PTPRD: variants seen among roughly 807,000 people sequenced by gnomAD.
PTPRD encodes receptor-type tyrosine-protein phosphatase delta.
Under a neutral mutation model 214.5 loss-of-function variants are expected in PTPRD, and 34 were observed. The ratio of observed to expected loss-of-function variants is 0.16; its 90% CI spans 0.12 to 0.21. The LOEUF is 0.21. PTPRD is among the 10% of genes least tolerant of loss of function. The pLI is 1.00. For missense variants in PTPRD, 2,545 were observed against 2,398.7 expected, an observed-to-expected ratio of 1.06 and a Z score of -1.27; for synonymous variants, 1,128 against 845.7, an observed-to-expected ratio of 1.33 and a Z score of -5.79.
intron 36 of PTPRD, among the ~76,000 whole-genome samples, chr9:8,389,983 A>T (rs904780): frequency 0.57 from 86,616 of 152,008 alleles, 25,805 homozygotes; most frequent in Non-Finnish European, 0.67. Flanking sequence ...AAGTTGCTCA[A>T]GTTGGTGGAA....
chr9:9,584,903 ATT>A (rs1306203935), intron 7 of PTPRD, among the ~76,000 whole-genome samples: 2 of 151,558 alleles, frequency 1.3e-5, no homozygotes, highest in Admixed American at 1.3e-4. Flanking sequence ...GATTTGCAAC[ATT>A]TTTTTTCACC....
rs143343794 is a variant in PTPRD at position 9,153,625 on chromosome 9, G to A, written c.-143+29679C>T. Among the ~76,000 whole-genome samples, 24 of 152,270 alleles carry A rather than the reference G, an allele frequency of 1.6e-4. No individual in the cohort carries two copies. In the East Asian group the frequency reaches 4.4e-3, roughly 28 times the overall value. ...TGATATTAACTATACATTTAAAGAT[G>A]TGTATTTTGTTAACTTTAGCTAAAG... On this transcript the variant is annotated intron_variant, in intron 10 of 45. Transcript: ENST00000381196.
At chr9:10,036,505 T>A (rs1266773098) in intron 3 of PTPRD, among the ~76,000 whole-genome samples, 2 of 83,346 alleles carry the variant, frequency 2.4e-5, no homozygotes, top group African/African-American at 8.3e-5. Flanking sequence ...CACACACTCA[T>A]GCACACACAC....
rs559102361 is a variant in PTPRD at position 8,820,917 on chromosome 9, A to C, written c.-103-86971T>G. 9.8e-5 allele frequency among the ~76,000 whole-genome samples: 15 copies of C among 152,290 alleles called. No individual in the cohort carries two copies. In the South Asian group the frequency reaches 2.3e-3, roughly 23 times the overall value. On this transcript the variant is annotated intron_variant, in intron 11 of 45. Transcript: ENST00000381196. ...CTACTTATTTTTCTAACTCTTAATA[A>C]TATGATGTCATACAATCATTTTAAG...
At chr9:9,675,734 G>C (rs1194627344) in intron 7 of PTPRD, among the ~76,000 whole-genome samples, 3 of 151,986 alleles carry the variant, frequency 2.0e-5, no homozygotes, top group African/African-American at 7.2e-5. Flanking sequence ...GCTTGTATTG[G>C]TGAGTTCTAT....
intron 10 of PTPRD, among the ~76,000 whole-genome samples, chr9:9,101,402 A>C (rs2099791169): frequency 6.6e-6 from 1 of 152,128 alleles, no homozygotes; most frequent in Admixed American, 6.6e-5. Context: ...GCTCTATAAA[A>C]ATACACCTGT....
chr9:9,506,397 A>G (rs569820828), intron 8 of PTPRD, among the ~76,000 whole-genome samples: 2 of 151,516 alleles, frequency 1.3e-5, no homozygotes, highest in South Asian at 2.1e-4. Context: ...AAGAATCACA[A>G]TATCTTACTT....
At chr9:8,568,849 G>A (rs1201657251) in intron 14 of PTPRD, among the ~76,000 whole-genome samples, 1 of 151,868 alleles carries the variant, frequency 6.6e-6, no homozygotes, top group Non-Finnish European at 1.5e-5. Context: ...TAAGTTCTCG[G>A]TGCTGCCTAA....
chr9:9,735,451 G>A (rs180975851), intron 6 of PTPRD, among the ~76,000 whole-genome samples: 18 of 152,196 alleles, frequency 1.2e-4, no homozygotes, highest in Admixed American at 1.1e-3. Flanking sequence ...GGAGAACACG[G>A]TAAGTGTGAA....
chr9:9,189,936 A>G (rs111407859), intron 9 of PTPRD, among the ~76,000 whole-genome samples: 2 of 152,096 alleles, frequency 1.3e-5, no homozygotes, highest in Admixed American at 6.6e-5. Context: ...GAAGTATCAC[A>G]TGTCACTTCC....
chr9:9,660,599 T>C (rs1564382852), intron 7 of PTPRD, among the ~76,000 whole-genome samples: 1 of 152,016 alleles, frequency 6.6e-6, no homozygotes, highest in Non-Finnish European at 1.5e-5. Flanking sequence ...GTTGCCCTAA[T>C]ATGATTATTA....
At chr9:9,827,306 G>C (rs1195318477) in intron 5 of PTPRD, among the ~76,000 whole-genome samples, 3 of 152,114 alleles carry the variant, frequency 2.0e-5, no homozygotes, top group Non-Finnish European at 4.4e-5. Flanking sequence ...TACCAAAACA[G>C]AGATATAGAC....
chr9:10,392,971 C>T (rs889798624), intron 2 of PTPRD, among the ~76,000 whole-genome samples: 10 of 151,814 alleles, frequency 6.6e-5, no homozygotes, highest in African/African-American at 2.2e-4. Context: ...CTCAAAGTAG[C>T]AGAGCAGAGC....
intron 2 of PTPRD, among the ~76,000 whole-genome samples, chr9:10,362,741 A>G (rs1352927063): frequency 6.6e-6 from 1 of 152,086 alleles, no homozygotes; most frequent in Non-Finnish European, 1.5e-5. Context: ...TTAGCCAGGC[A>G]TGGTGTCACG....
At chr9:8,968,586 T>A (rs1212144242) in intron 11 of PTPRD, among the ~76,000 whole-genome samples, 3 of 152,096 alleles carry the variant, frequency 2.0e-5, no homozygotes, top group Non-Finnish European at 4.4e-5. Flanking sequence ...GTTCTTACCA[T>A]AATCTTATTG....
intron 3 of PTPRD, among the ~76,000 whole-genome samples, chr9:10,103,860 G>C (rs902606911): frequency 4.6e-5 from 7 of 151,656 alleles, no homozygotes; most frequent in Non-Finnish European, 7.4e-5. Context: ...TTAATGGCTT[G>C]TTGACAGCAC....
chr9:9,634,295 C>T (rs146424669), intron 7 of PTPRD, among the ~76,000 whole-genome samples: 2 of 152,184 alleles, frequency 1.3e-5, no homozygotes, highest in East Asian at 1.9e-4. Flanking sequence ...TAAATAATAG[C>T]TCATCAATAA....
intron 3 of PTPRD, among the ~76,000 whole-genome samples, chr9:10,130,051 T>TC (rs1564003521): frequency 6.6e-6 from 1 of 152,030 alleles, no homozygotes; most frequent in East Asian, 1.9e-4. Context: ...TTTGATTTGT[T>TC]TTTTTGATTT....
chr9:10,282,815 G>A lies in PTPRD; in HGVS notation c.-545+58148C>T, dbSNP rs528384614. 2.0e-5 allele frequency among the ~76,000 whole-genome samples: 3 copies of A among 152,176 alleles called. No homozygotes were observed. The South Asian group carries it at 6.2e-4, about 32-fold the overall frequency. On this transcript the variant is annotated intron_variant, in intron 3 of 45. Coordinates refer to ENST00000381196, the MANE Select transcript of PTPRD (RefSeq NM_002839.4). ...CCAGCTGTAAGAGAAGTTAAGATCA[G>A]AAGTAGCAAGAATCCCATTCTGTTT...
Sources: gnomAD v4.1 joint callset for allele counts (sites outside exome capture counted in the v4.1 genomes callset) on GRCh38, gnomAD v4.1.1 for gene constraint, MANE v1.5 for transcripts, NCBI Gene and HGNC (gene_info 2026-07-23, HGNC 2026-07-21) for gene names.